The following RBFOX1 variants were observed in gnomAD, a reference collection of about 807,000 sequenced individuals.
RBFOX1 encodes the protein RNA binding protein fox-1 homolog 1.
A neutral mutation model predicts 57.7 loss-of-function variants in RBFOX1; 8 were observed. That is an observed-to-expected ratio of 0.14 (90% CI 0.08 to 0.25). The LOEUF is 0.25. RBFOX1 is among the 10% of genes least tolerant of loss of function. The probability of loss-of-function intolerance (pLI) is 1.00; values close to 1 mark genes in which losing one functional copy is unlikely to be tolerated. For missense variants in RBFOX1, 611 were observed against 548.5 expected, an observed-to-expected ratio of 1.11 and a Z score of -1.14; for synonymous variants, 326 against 222.4, an observed-to-expected ratio of 1.47 and a Z score of -4.15.
intron 3 of RBFOX1, among the ~76,000 whole-genome samples, chr16:5,859,621 A>G (rs1174189911): frequency 4.6e-5 from 7 of 152,212 alleles, no homozygotes; most frequent in African/African-American, 1.4e-4. Flanking sequence ...ATAGGTGCCC[A>G]GGGTTTTGTG....
At chr16:6,719,691 C>A (rs564201505) in intron 3 of RBFOX1, among the ~76,000 whole-genome samples, 1 of 151,956 alleles carries the variant, frequency 6.6e-6, no homozygotes, top group African/African-American at 2.4e-5. Flanking sequence ...TGTGATCCAC[C>A]CACCTTGGCC....
chr16:7,310,027 G>A (rs1010106846), intron 4 of RBFOX1, among the ~76,000 whole-genome samples: 42 of 152,336 alleles, frequency 2.8e-4, no homozygotes, highest in African/African-American at 9.9e-4. Context: ...GCGTTGGCCC[G>A]TGGCTGTTGG....
At chr16:7,588,919 GAGCAAAAACAAA>G (rs2094286893) in intron 7 of RBFOX1, among the ~76,000 whole-genome samples, 1 of 152,126 alleles carries the variant, frequency 6.6e-6, no homozygotes, top group Non-Finnish European at 1.5e-5. Flanking sequence ...TCTGTCAGAT[GAGCAAAAACAAA>G]AGCAAAACAG....
intron 4 of RBFOX1, among the ~76,000 whole-genome samples, chr16:5,968,422 G>T (rs746940701): frequency 1.3e-5 from 2 of 152,174 alleles, no homozygotes; most frequent in Non-Finnish European, 2.9e-5. Context: ...TCTTCTCTGA[G>T]TTACTGCATG....
At chr16:6,821,860 A>G (rs28608994) in intron 3 of RBFOX1, among the ~76,000 whole-genome samples, 10,123 of 152,150 alleles carry the variant, frequency 0.067, 496 homozygotes, top group Non-Finnish European at 0.11. Context: ...TCTGTTTTCA[A>G]TTTTTGTGGG....
chr16:6,497,814 C>T (rs1358915398), intron 2 of RBFOX1, among the ~76,000 whole-genome samples: 1 of 152,042 alleles, frequency 6.6e-6, no homozygotes, highest in African/African-American at 2.4e-5. Flanking sequence ...ATCTCAGCCT[C>T]CCAAAGTGTA....
At chr16:7,002,007 A>G (rs2153635105) in intron 3 of RBFOX1, among the ~76,000 whole-genome samples, 1 of 152,248 alleles carries the variant, frequency 6.6e-6, no homozygotes, top group Non-Finnish European at 1.5e-5. Context: ...GAGTGACAGT[A>G]TCCCTGGGCA....
At chr16:6,629,974 A>T (rs78081890) in intron 2 of RBFOX1, among the ~76,000 whole-genome samples, 1,657 of 13,556 alleles carry the variant, frequency 0.12, 25 homozygotes, top group African/African-American at 0.25. Flanking sequence ...TTTTTTTTTT[A>T]AAAAAAAAAA....
chr16:7,342,658 T>A (rs1460080050), intron 4 of RBFOX1, among the ~76,000 whole-genome samples: 1 of 152,184 alleles, frequency 6.6e-6, no homozygotes, highest in Non-Finnish European at 1.5e-5. Context: ...TTGGCCTGCG[T>A]GGACAGTGCA....
chr16:5,901,132 G>A (rs749055064), intron 4 of RBFOX1, among the ~76,000 whole-genome samples: 7 of 152,116 alleles, frequency 4.6e-5, no homozygotes, highest in African/African-American at 2.4e-5. Context: ...TAAGTCTGGC[G>A]TCTCAGCAGC....
chr16:6,989,310 A>G (rs1222514165), intron 3 of RBFOX1, among the ~76,000 whole-genome samples: 1 of 152,222 alleles, frequency 6.6e-6, no homozygotes, highest in Non-Finnish European at 1.5e-5. Context: ...AGATATATTT[A>G]CAATTATATG....
chr16:7,380,159 T>C (rs2097762129), intron 4 of RBFOX1, among the ~76,000 whole-genome samples: 1 of 152,206 alleles, frequency 6.6e-6, no homozygotes, highest in African/African-American at 2.4e-5. Flanking sequence ...CTGGCCAGTA[T>C]TTATGTTTTG....
intron 2 of RBFOX1, among the ~76,000 whole-genome samples, chr16:6,466,116 C>G (rs770270254): frequency 4.6e-5 from 7 of 151,586 alleles, no homozygotes; most frequent in Non-Finnish European, 1.0e-4. Flanking sequence ...GTAATCCCAG[C>G]TACTTGGGAG....
rs184184813 is a variant in RBFOX1, at chr16:6,745,686, A to G, written c.-16+91036A>G. On this transcript the variant is annotated intron_variant, in intron 3 of 15. Transcript: ENST00000550418. Reference sequence around the variant, plus strand: ...CATCTATGGAAAATGTATAGCTAATATCATGCTTAATGAGGAAATACTGGT... The same window carrying G: ...CATCTATGGAAAATGTATAGCTAATGTCATGCTTAATGAGGAAATACTGGT... Among the ~76,000 whole-genome samples, 31 of 152,354 alleles carry G rather than the reference A, an allele frequency of 2.0e-4. No homozygotes were observed. In the East Asian group the frequency reaches 5.6e-3, roughly 27 times the overall value.
At chr16:7,371,992 T>A (rs1273651951) in intron 4 of RBFOX1, among the ~76,000 whole-genome samples, 4 of 152,068 alleles carry the variant, frequency 2.6e-5, no homozygotes, top group South Asian at 2.1e-4. Flanking sequence ...TAAACATTAC[T>A]GCTACACATG....
chr16:7,006,822 C>A (rs1346653099), intron 3 of RBFOX1, among the ~76,000 whole-genome samples: 3 of 152,170 alleles, frequency 2.0e-5, no homozygotes, highest in Non-Finnish European at 4.4e-5. Flanking sequence ...TGCCCAAGAA[C>A]CCTCAGCTCC....
chr16:7,206,561 C>G (rs1268467697), intron 4 of RBFOX1, among the ~76,000 whole-genome samples: 1 of 152,004 alleles, frequency 6.6e-6, no homozygotes, highest in African/African-American at 2.4e-5. Flanking sequence ...ACCATTCCCT[C>G]TGCCAATCAT....
intron 1 of RBFOX1, among the ~76,000 whole-genome samples, chr16:5,436,473 C>G (rs1330202836): frequency 3.3e-5 from 5 of 152,196 alleles, no homozygotes; most frequent in Non-Finnish European, 7.3e-5. Context: ...AAGTACTTCT[C>G]TTGCAGAGAT....
chr16:6,239,822 T>A (rs1310358827), intron 1 of RBFOX1, among the ~76,000 whole-genome samples: 1 of 152,184 alleles, frequency 6.6e-6, no homozygotes, highest in African/African-American at 2.4e-5. Flanking sequence ...AAACATTTTC[T>A]TTTTTTGAAT....
Sources: gnomAD v4.1 joint callset for allele counts (sites outside exome capture counted in the v4.1 genomes callset) on GRCh38, gnomAD v4.1.1 for gene constraint, MANE v1.5 for transcripts, NCBI Gene and HGNC (gene_info 2026-07-23, HGNC 2026-07-21) for gene names.